Variants in MGAT3 observed in about 807,000 individuals in gnomAD.
The protein encoded by MGAT3 is GlcNAc-T III.
In MGAT3, 9 loss-of-function variants were observed where a neutral mutation model predicts 29.8. The ratio of observed to expected loss-of-function variants is 0.30; its 90% CI spans 0.18 to 0.53. MGAT3 has a LOEUF of 0.53. Ranked by LOEUF, MGAT3 falls within the 20% of genes least tolerant of loss-of-function variation. The pLI is 0.96. For missense variants in MGAT3, 557 were observed against 769.5 expected (o/e 0.72, Z 3.27); for synonymous variants, 397 against 348.9 (o/e 1.14, Z -1.54).
chr22:39,472,068 T>C (rs950254361), intron 1 of MGAT3, among the ~76,000 whole-genome samples: 1 of 151,876 alleles, frequency 6.6e-6, no homozygotes, highest in Non-Finnish European at 1.5e-5. Flanking sequence ...CAGGGTAGGG[T>C]GTGATTTCTG....
intron 1 of MGAT3, among the ~76,000 whole-genome samples, chr22:39,469,707 C>CCG (rs1221139897): frequency 6.6e-6 from 1 of 152,238 alleles, no homozygotes; most frequent in African/African-American, 2.4e-5. Context: ...GGGGAGCACC[C>CCG]TCCCTTCCAT....
At chr22:39,483,108 G>A (rs1929174133) in intron 1 of MGAT3, among the ~76,000 whole-genome samples, 1 of 152,234 alleles carries the variant, frequency 6.6e-6, no homozygotes, top group African/African-American at 2.4e-5. Flanking sequence ...TTTAGAGTCT[G>A]AATGGCAGCC....
chr22:39,485,291 G>C (rs1450363286), intron 1 of MGAT3, among the ~76,000 whole-genome samples: 1 of 152,186 alleles, frequency 6.6e-6, no homozygotes, highest in Non-Finnish European at 1.5e-5. Flanking sequence ...GGTCGGAGGT[G>C]CTCTGTGGCT....
intron 1 of MGAT3, among the ~76,000 whole-genome samples, chr22:39,472,059 A>C (rs1034664232): frequency 6.6e-6 from 1 of 152,018 alleles, no homozygotes; most frequent in Non-Finnish European, 1.5e-5. Context: ...GCCTCCTTCC[A>C]GGGTAGGGTG....
intron 1 of MGAT3, among the ~76,000 whole-genome samples, chr22:39,465,653 A>G (rs1055902813): frequency 2.6e-5 from 4 of 152,232 alleles, no homozygotes; most frequent in African/African-American, 7.2e-5. Flanking sequence ...TTCCTGAGAT[A>G]TGAAAATGAA....
intron 1 of MGAT3, among the ~76,000 whole-genome samples, chr22:39,464,409 C>A (rs73885225): frequency 0.021 from 3,126 of 151,136 alleles, 106 homozygotes; most frequent in African/African-American, 0.072. Context: ...GGCTCTGTGC[C>A]TGGCACGTAG....
rs1236361279 is a variant in MGAT3, at chr22:39,457,829, AC to A, written c.-2+277del. ...CCGGAGGGCAGAGCCTCAGCGCCCGACCCCCTCCCACGGCCGGGCGGGGGAC... is the reference window on the plus strand; with the variant it reads ...CCGGAGGGCAGAGCCTCAGCGCCCGACCCCTCCCACGGCCGGGCGGGGGAC... On this transcript the variant is annotated intron_variant, in intron 1 of 1. Transcript: ENST00000341184. The surrounding 1 kb of genome is among the most constrained non-coding windows in gnomAD (Gnocchi z 6.8). Among the ~76,000 whole-genome samples, 2 of 148,966 alleles carry A rather than the reference AC, an allele frequency of 1.3e-5. No homozygotes were observed. The highest frequency in any genetic ancestry group is 3.0e-5 in the Non-Finnish European group (2 of 66,998).
intron 1 of MGAT3, among the ~76,000 whole-genome samples, chr22:39,467,935 G>A (rs376891895): frequency 6.6e-6 from 1 of 151,852 alleles, no homozygotes; most frequent in African/African-American, 2.4e-5. Context: ...CATGGAGCTC[G>A]GAGGCCGCCA....
At chr22:39,479,491 C>T (rs932762910) in intron 1 of MGAT3, among the ~76,000 whole-genome samples, 22 of 152,164 alleles carry the variant, frequency 1.4e-4, no homozygotes, top group African/African-American at 5.3e-4. Context: ...CTCCCCACAG[C>T]AGGTTTAGGT....
chr22:39,467,493 A>C (rs575452863), intron 1 of MGAT3, among the ~76,000 whole-genome samples: 1 of 152,148 alleles, frequency 6.6e-6, no homozygotes, highest in African/African-American at 2.4e-5. Context: ...AGAGCCCCAA[A>C]GAGTGATGAG....
At chr22:39,462,679 G>A (rs573058742) in intron 1 of MGAT3, among the ~76,000 whole-genome samples, 111 of 152,302 alleles carry the variant, frequency 7.3e-4, no homozygotes, top group African/African-American at 2.5e-3. Flanking sequence ...AGCTGACAAG[G>A]GGACCCACGG....
rs375308582 is a variant in MGAT3, at chr22:39,466,265, C to T, written c.-2+8708C>T. ...GGTCTGATTCTGGGGCCACCGCTTG[C>T]GGGCAGTGACCGGCTGTGGGGTCTC... On this transcript the variant is annotated intron_variant, in intron 1 of 1. Transcript: ENST00000341184. Among the ~76,000 whole-genome samples, 4 of 152,166 alleles carry T rather than the reference C, an allele frequency of 2.6e-5. No individual in the cohort carries two copies. In the South Asian group the frequency reaches 6.2e-4, roughly 24 times the overall value.
intron 1 of MGAT3, among the ~76,000 whole-genome samples, chr22:39,484,721 G>T (rs759078238): frequency 2.0e-5 from 3 of 152,066 alleles, no homozygotes; most frequent in Non-Finnish European, 4.4e-5. Context: ...AAAGTAGGGA[G>T]GCTGGCCATG....
intron 1 of MGAT3, among the ~76,000 whole-genome samples, chr22:39,469,233 T>C (rs1431663995): frequency 6.6e-6 from 1 of 151,970 alleles, no homozygotes; most frequent in Non-Finnish European, 1.5e-5. Flanking sequence ...AGGGGGAGTG[T>C]TGGGAACGTC....
At chr22:39,479,952 C>T (rs945915869) in intron 1 of MGAT3, among the ~76,000 whole-genome samples, 16 of 152,148 alleles carry the variant, frequency 1.1e-4, no homozygotes, top group Admixed American at 9.2e-4. Context: ...GGGCTGGGGC[C>T]GTGCATAGTT....
In MGAT3 at chr22:39,487,229, A is replaced by C. The variant is rs1929299552; in HGVS notation, c.-1-118A>C. The stretch of plus-strand genomic sequence containing the variant: ...GCAGGAGGTCACTCCATGCAGGGGC[A>C]GCAGGTGCTGGCCACCACATTGTCC... On this transcript the variant is annotated intron_variant, in intron 1 of 1. Transcript: ENST00000341184. This position sits in a 1 kb window ranked among gnomAD's most constrained non-coding sequence, Gnocchi z 5.7. The C allele has an allele frequency of 1.9e-6, 2 of 1,067,798 alleles. No homozygotes were observed. Among genetic ancestry groups the C allele is most frequent in the Non-Finnish European group, 2.7e-6 (2 of 737,002 alleles). 66.1% of individuals were successfully genotyped at this position (1,067,798 alleles called of 1,614,324 possible).
chr22:39,477,086 G>A (rs529032254), intron 1 of MGAT3, among the ~76,000 whole-genome samples: 6 of 152,256 alleles, frequency 3.9e-5, no homozygotes, highest in African/African-American at 7.2e-5. Context: ...CTGAGATGCC[G>A]ACTCCCTCTG....
chr22:39,489,141 C>T lies in MGAT3; in HGVS notation c.*192C>T. 2.5e-6 allele frequency: 2 copies of T among 809,252 alleles called. No homozygotes were observed. Among genetic ancestry groups the T allele is most frequent in the South Asian group, 1.9e-5 (1 of 53,476 alleles). 50.1% of individuals were successfully genotyped at this position (809,252 alleles called of 1,614,324 possible). On this transcript the variant is annotated 3_prime_UTR_variant, in exon 2 of 2. Coordinates refer to ENST00000341184, the MANE Select transcript of MGAT3 (RefSeq NM_002409.5). ...AGGCCTTTGAGCTCAGAAAATATCCCTCCTGTTGGGAGAGGGCGCAGGCCG... is the reference window on the plus strand; with the variant it reads ...AGGCCTTTGAGCTCAGAAAATATCCTTCCTGTTGGGAGAGGGCGCAGGCCG...
At chr22:39,459,365 C>T (rs191918419) in intron 1 of MGAT3, among the ~76,000 whole-genome samples, 8 of 152,270 alleles carry the variant, frequency 5.3e-5, no homozygotes, top group East Asian at 3.9e-4. Flanking sequence ...TGAGCCACCT[C>T]GCCCAACCCT....
Sources: gnomAD v4.1 joint callset for allele counts (sites outside exome capture counted in the v4.1 genomes callset) on GRCh38, gnomAD v4.1.1 for gene constraint, Gnocchi (gnomAD v3.1) non-coding constraint, MANE v1.5 for transcripts, NCBI Gene and HGNC (gene_info 2026-07-23, HGNC 2026-07-21) for gene names.